EPB41L2: variants seen among roughly 807,000 people sequenced by gnomAD.
EPB41L2 encodes the protein band 4.1-like protein 2.
In EPB41L2, 43 loss-of-function variants were observed where a neutral mutation model predicts 113.0. The observed-to-expected ratio is 0.38, with a 90% CI of 0.30 to 0.49. The LOEUF is 0.49. EPB41L2 is among the 20% of genes least tolerant of loss of function. EPB41L2 has a pLI of 0.95. For missense variants in EPB41L2, 1,147 were observed against 1,223.4 expected, an observed-to-expected ratio of 0.94 and a Z score of 0.93; for synonymous variants, 442 against 436.7, an observed-to-expected ratio of 1.01 and a Z score of -0.15.
chr6:130,919,333 C>T (rs976376631), intron 4 of EPB41L2, among the ~76,000 whole-genome samples: 1 of 152,116 alleles, frequency 6.6e-6, no homozygotes, highest in Non-Finnish European at 1.5e-5. Flanking sequence ...GTACCTTTAT[C>T]TTAGTATTTT....
intron 2 of EPB41L2, among the ~76,000 whole-genome samples, chr6:130,955,603 A>T (rs1047201585): frequency 2.4e-4 from 36 of 152,200 alleles, no homozygotes; most frequent in African/African-American, 8.4e-4. Context: ...AACATTTCCA[A>T]TTAAAATCTT....
At chr6:131,056,439 G>C (rs1383539300) in intron 1 of EPB41L2, among the ~76,000 whole-genome samples, 1 of 152,168 alleles carries the variant, frequency 6.6e-6, no homozygotes, top group Non-Finnish European at 1.5e-5. Flanking sequence ...AAAGAATGAA[G>C]TTAAGACAAG....
At chr6:130,966,986 C>T (rs982346832) in intron 1 of EPB41L2, among the ~76,000 whole-genome samples, 4 of 152,146 alleles carry the variant, frequency 2.6e-5, no homozygotes, top group Non-Finnish European at 2.9e-5. Flanking sequence ...CACCACTTAC[C>T]CCCAATCTAG....
At chr6:131,057,738 T>G (rs773911128) in intron 1 of EPB41L2, among the ~76,000 whole-genome samples, 1 of 152,208 alleles carries the variant, frequency 6.6e-6, no homozygotes, top group African/African-American at 2.4e-5. Context: ...ATTTGAAAAT[T>G]CTTTCATGAA....
chr6:130,894,876 TA>T (rs1794131307), intron 9 of EPB41L2, 90 bp downstream of exon 9: 6 of 1,314,010 alleles, frequency 4.6e-6, no homozygotes, highest in Non-Finnish European at 6.1e-6. Context: ...TTTATTTTCT[TA>T]AAATTTTAGA....
chr6:130,867,937 G>GACACACACACACAC (rs58752395), intron 15 of EPB41L2: 32 of 179,164 alleles, frequency 1.8e-4, no homozygotes, highest in Admixed American at 1.2e-3. Flanking sequence ...AGTGTATAGT[G>GACACACACACACAC]ACACACACAC....
At chr6:130,988,480 T>C (rs1467294404) in intron 1 of EPB41L2, among the ~76,000 whole-genome samples, 6 of 152,194 alleles carry the variant, frequency 3.9e-5, no homozygotes, top group South Asian at 2.1e-4. Flanking sequence ...AACAAGTGAC[T>C]ATTCCTGAAA....
intron 1 of EPB41L2, among the ~76,000 whole-genome samples, chr6:131,004,477 C>T (rs1307252278): frequency 1.3e-5 from 2 of 152,130 alleles, no homozygotes; most frequent in Admixed American, 6.5e-5. Flanking sequence ...CCTAGGCCTA[C>T]CAAAGGAAGG....
At chr6:130,864,249 T>C (rs1783018642) in intron 17 of EPB41L2, among the ~76,000 whole-genome samples, 1 of 152,226 alleles carries the variant, frequency 6.6e-6, no homozygotes, top group African/African-American at 2.4e-5. Flanking sequence ...GATGTGATGG[T>C]TTTGACTGAT....
chr6:130,912,428 G>A (rs1482593461), intron 4 of EPB41L2, among the ~76,000 whole-genome samples: 3 of 152,226 alleles, frequency 2.0e-5, no homozygotes, highest in South Asian at 2.1e-4. Flanking sequence ...ATGGCCCCTC[G>A]GGTTTCACTA....
chr6:130,863,603 G>A (rs1367801676), intron 18 of EPB41L2, 35 bp downstream of exon 18: 2 of 1,426,632 alleles, frequency 1.4e-6, no homozygotes, highest in Non-Finnish European at 2.0e-6. Context: ...AAAACAAACA[G>A]GGCCATTTCC....
At chr6:130,949,994 T>C (rs1188571518) in intron 3 of EPB41L2, among the ~76,000 whole-genome samples, 16 of 152,160 alleles carry the variant, frequency 1.1e-4, no homozygotes, top group Admixed American at 1.0e-3. Context: ...TTGGAAAGGC[T>C]CCAGGCAACA....
intron 18 of EPB41L2, among the ~76,000 whole-genome samples, chr6:130,859,803 C>G (rs1206069824): frequency 6.7e-6 from 1 of 148,976 alleles, no homozygotes; most frequent in Non-Finnish European, 1.5e-5. Context: ...TGCACAGAAA[C>G]TTGGAAGACA....
chr6:130,880,220 TCA>T lies in EPB41L2; in HGVS notation c.1834-16_1834-15del, dbSNP rs1788857376. On this transcript the variant is annotated splice_polypyrimidine_tract_variant and intron_variant, in intron 12 of 19. Coordinates refer to ENST00000337057, the MANE Select transcript of EPB41L2 (RefSeq NM_001431.4). ...CAAGGAATTTTTCTGTGAAATTAAATCACACACAGGGGGGAAAAGGCAAATAA... is the reference window on the plus strand; with the variant it reads ...CAAGGAATTTTTCTGTGAAATTAAATCACACAGGGGGGAAAAGGCAAATAA... 2.5e-6 allele frequency: 4 copies of T among 1,591,790 alleles called. No homozygotes were observed. In the African/African-American group the frequency reaches 5.4e-5, roughly 21 times the overall value.
At chr6:130,999,491 G>A (rs1181718181) in intron 1 of EPB41L2, among the ~76,000 whole-genome samples, 1 of 152,188 alleles carries the variant, frequency 6.6e-6, no homozygotes, top group Non-Finnish European at 1.5e-5. Context: ...CACTCTACTG[G>A]AACAAATATT....
intron 1 of EPB41L2, among the ~76,000 whole-genome samples, chr6:130,968,258 T>C (rs1208560509): frequency 6.6e-6 from 1 of 152,166 alleles, no homozygotes; most frequent in Non-Finnish European, 1.5e-5. Context: ...TGCATTTTAA[T>C]AGGTCATAAG....
chr6:130,965,050 A>T (rs1380986099), intron 1 of EPB41L2, among the ~76,000 whole-genome samples: 1 of 152,204 alleles, frequency 6.6e-6, no homozygotes, highest in Non-Finnish European at 1.5e-5. Context: ...GGGCTTTATA[A>T]TCATTAGCAG....
intron 12 of EPB41L2, chr6:130,881,484 A>G (rs1323676599): frequency 2.0e-5 from 3 of 152,160 alleles, no homozygotes; most frequent in Non-Finnish European, 2.9e-5. Flanking sequence ...TTGTCCTACA[A>G]TGCATACTCA....
At chr6:130,992,467 T>C (rs753052412) in intron 1 of EPB41L2, among the ~76,000 whole-genome samples, 1 of 152,034 alleles carries the variant, frequency 6.6e-6, no homozygotes, top group Non-Finnish European at 1.5e-5. Flanking sequence ...TAATCAATAA[T>C]TGCACCTAAT....
Sources: gnomAD v4.1 joint callset for allele counts (sites outside exome capture counted in the v4.1 genomes callset) on GRCh38, gnomAD v4.1.1 for gene constraint, MANE v1.5 for transcripts, NCBI Gene and HGNC (gene_info 2026-07-23, HGNC 2026-07-21) for gene names.